PRKCE: variants seen among roughly 807,000 people sequenced by gnomAD.
The protein encoded by PRKCE is protein kinase C epsilon type.
Under a neutral mutation model 85.4 loss-of-function variants are expected in PRKCE, and 16 were observed. The ratio of observed to expected loss-of-function variants is 0.19; its 90% CI spans 0.13 to 0.28. PRKCE has a LOEUF of 0.28. Among genes scored for constraint, PRKCE ranks in the 10% least tolerant of loss-of-function variants. The pLI is 1.00. For missense variants in PRKCE, 573 were observed against 975.2 expected (o/e 0.59, Z 5.49); for synonymous variants, 388 against 371.5 (o/e 1.04, Z -0.51).
chr2:45,782,444 G>A (rs574034944), intron 1 of PRKCE, among the ~76,000 whole-genome samples: 35 of 151,978 alleles, frequency 2.3e-4, no homozygotes, highest in South Asian at 1.0e-3. Context: ...AAAATAGGCC[G>A]AGAGTCCCCA....
At chr2:45,789,711 G>C (rs1686889648) in intron 1 of PRKCE, among the ~76,000 whole-genome samples, 1 of 152,154 alleles carries the variant, frequency 6.6e-6, no homozygotes, top group African/African-American at 2.4e-5. Context: ...GAAGAGCTAG[G>C]AATCATTTGA....
intron 1 of PRKCE, among the ~76,000 whole-genome samples, chr2:45,821,597 A>G (rs547793301): frequency 4.8e-4 from 73 of 152,166 alleles, no homozygotes; most frequent in Admixed American, 1.5e-3. Context: ...AGGTATTTGG[A>G]GCCCAGCATG....
chr2:46,116,873 G>GA (rs897305270), intron 11 of PRKCE, among the ~76,000 whole-genome samples: 33 of 151,898 alleles, frequency 2.2e-4, no homozygotes, highest in African/African-American at 7.0e-4. Context: ...TCTGGGAGGG[G>GA]AAAAAAAACC....
At chr2:45,944,503 T>C (rs1305232521) in intron 2 of PRKCE, among the ~76,000 whole-genome samples, 1 of 152,132 alleles carries the variant, frequency 6.6e-6, no homozygotes, top group Non-Finnish European at 1.5e-5. Context: ...GTATTTAGTT[T>C]TTTGAGACAG....
chr2:45,986,042 G>A (rs997034137), intron 6 of PRKCE, among the ~76,000 whole-genome samples: 16 of 152,264 alleles, frequency 1.1e-4, no homozygotes, highest in Admixed American at 8.5e-4. Flanking sequence ...CAACATCCAA[G>A]GGTGGGCCTG....
intron 2 of PRKCE, among the ~76,000 whole-genome samples, chr2:45,888,874 T>C (rs1273150039): frequency 3.3e-5 from 5 of 152,154 alleles, no homozygotes; most frequent in Non-Finnish European, 7.3e-5. Flanking sequence ...TGATAAGATT[T>C]CCTCAAGTAC....
rs112797499 is a variant in PRKCE at position 45,681,759 on chromosome 2, C to G, written c.348+29311C>G. On this transcript the variant is annotated intron_variant, in intron 1 of 14. Transcript: ENST00000306156. ...AGACAATGCCTGTGGGAATCCAAAC[C>G]CCAAGGACTGTGAGAGGCATGCATG... Among the ~76,000 whole-genome samples, 32 of 152,282 alleles carry G rather than the reference C, an allele frequency of 2.1e-4. 1 individual carries two copies. The highest frequency in any genetic ancestry group is 7.2e-4 in the African/African-American group (30 of 41,552).
At chr2:45,869,702 C>CT (rs201819838) in intron 2 of PRKCE, among the ~76,000 whole-genome samples, 7,630 of 120,280 alleles carry the variant, frequency 0.063, 296 homozygotes, top group East Asian at 0.28. Flanking sequence ...TTGTTTCTCT[C>CT]TCTCTTTTTT....
At chr2:46,071,657 A>G (rs1668095506) in intron 10 of PRKCE, among the ~76,000 whole-genome samples, 2 of 152,244 alleles carry the variant, frequency 1.3e-5, no homozygotes, top group Admixed American at 6.5e-5. Flanking sequence ...GACTGACTAC[A>G]GTCAAATCAT....
chr2:46,101,859 CAAAAAAAAAA>C (rs56811595), intron 11 of PRKCE, among the ~76,000 whole-genome samples: 8 of 114,120 alleles, frequency 7.0e-5, no homozygotes, highest in African/African-American at 2.8e-4. Context: ...AACTGGCTTT[CAAAAAAAAAA>C]AAAAAAAAAA....
At chr2:45,739,495 C>T (rs1046980030) in intron 1 of PRKCE, among the ~76,000 whole-genome samples, 3 of 152,168 alleles carry the variant, frequency 2.0e-5, no homozygotes, top group Admixed American at 6.5e-5. Flanking sequence ...ATTCTGAAGA[C>T]TCATCTAATG....
chr2:46,028,024 C>G (rs1360708411), intron 10 of PRKCE, among the ~76,000 whole-genome samples: 2 of 152,002 alleles, frequency 1.3e-5, no homozygotes, highest in African/African-American at 4.8e-5. Context: ...TCACTGCAGC[C>G]TCCGCCTCCC....
chr2:45,979,681 G>C (rs1330524394), intron 4 of PRKCE, among the ~76,000 whole-genome samples: 1 of 152,204 alleles, frequency 6.6e-6, no homozygotes, highest in East Asian at 1.9e-4. Flanking sequence ...ATGGGGTAGT[G>C]TCTGGTGGAA....
chr2:45,728,273 C>T (rs1055374104), intron 1 of PRKCE, among the ~76,000 whole-genome samples: 2 of 152,208 alleles, frequency 1.3e-5, no homozygotes, highest in African/African-American at 4.8e-5. Flanking sequence ...GTAGAAATTT[C>T]TCCCTCTTGA....
chr2:46,054,835 C>A (rs1431448717), intron 10 of PRKCE, among the ~76,000 whole-genome samples: 1 of 149,830 alleles, frequency 6.7e-6, no homozygotes, highest in East Asian at 2.0e-4. Flanking sequence ...AGAACTCAGA[C>A]AGCAGAGAGA....
At chr2:45,918,134 TG>T (rs1468748799) in intron 2 of PRKCE, among the ~76,000 whole-genome samples, 1 of 152,092 alleles carries the variant, frequency 6.6e-6, no homozygotes, top group Admixed American at 6.5e-5. Context: ...AGTGCAGTGG[TG>T]GGCTGAAGGG....
intron 1 of PRKCE, among the ~76,000 whole-genome samples, chr2:45,688,933 A>C (rs140150249): frequency 6.6e-6 from 1 of 152,242 alleles, no homozygotes; most frequent in Non-Finnish European, 1.5e-5. Context: ...CATCCACAAC[A>C]TAAGAGACTT....
intron 1 of PRKCE, among the ~76,000 whole-genome samples, chr2:45,698,569 G>GAA (rs144540569): frequency 6.7e-6 from 1 of 148,178 alleles, no homozygotes; most frequent in African/African-American, 2.5e-5. Context: ...AGTGAGCACA[G>GAA]AAAAAAAAAT....
intron 2 of PRKCE, among the ~76,000 whole-genome samples, chr2:45,941,647 G>T (rs1167743531): frequency 1.3e-5 from 2 of 152,112 alleles, no homozygotes; most frequent in African/African-American, 4.8e-5. Context: ...ATCTGTTGAG[G>T]GACTGAGGAC....
Sources: allele counts gnomAD v4.1 joint callset (sites outside exome capture counted in the v4.1 genomes callset), GRCh38; gene constraint gnomAD v4.1.1; transcripts MANE v1.5; gene names NCBI Gene and HGNC (gene_info 2026-07-23, HGNC 2026-07-21).